TNRC6A: variants seen among roughly 807,000 people sequenced by gnomAD.
TNRC6A encodes the protein trinucleotide repeat containing adaptor 6A, also known as trinucleotide repeat-containing gene 6A protein.
A neutral mutation model predicts 221.2 loss-of-function variants in TNRC6A; 44 were observed. The observed-to-expected ratio is 0.20, with a 90% CI of 0.16 to 0.26. The LOEUF is 0.26. TNRC6A is among the 10% of genes least tolerant of loss of function. The pLI is 1.00. For missense variants in TNRC6A, 2,199 were observed against 2,404.4 expected (o/e 0.91, Z 1.79); for synonymous variants, 847 against 838.5 (o/e 1.01, Z -0.18).
At chr16:24,662,694 C>T (rs1183974167) in intron 2 of TNRC6A, 1 of 153,652 alleles carries the variant, frequency 6.5e-6, no homozygotes, top group Admixed American at 6.6e-5. Flanking sequence ...GGTGAAGGGA[C>T]CTTCATCTTA....
Position 24,789,612 on chromosome 16 carries a change from T to A in TNRC6A, c.970T>A (p.Cys324Ser). The part of the protein sequence containing the change: ...GFSHGAIIST[C>S]QVSVDAPESK... ...TTCCCATGGAGCCATAATAAGCACA[T>A]GTCAGGTCTCTGTGGATGCTCCTGA... is the stretch of plus-strand genomic sequence containing the variant. The change falls in exon 6 of 25, where the codon TGT becomes AGT. Residue 324 changes from cysteine to serine, a missense_variant. Physicochemically the swap from Cys to Ser is moderately radical, Grantham distance 112. Transcript: ENST00000395799. The A allele has an allele frequency of 6.2e-7, 1 of 1,614,122 alleles. No homozygotes were observed. The highest frequency in any genetic ancestry group is 8.5e-7 in the Non-Finnish European group (1 of 1,180,040).
Position 24,823,370 on chromosome 16 carries a change from T to G in TNRC6A, c.5514-62T>G. Reference sequence around the variant, plus strand: ...CAGAGACAAGTTGCACCCTCACTTGTGAGTGAATGAAGCCCTCCTGGTGTG... The same window carrying G: ...CAGAGACAAGTTGCACCCTCACTTGGGAGTGAATGAAGCCCTCCTGGTGTG... On this transcript the variant is annotated intron_variant, in intron 24 of 24. Transcript: ENST00000395799. The surrounding 1 kb of genome is among the most constrained non-coding windows in gnomAD (Gnocchi z 4.3). 5 of 1,536,450 alleles carry G rather than the reference T, an allele frequency of 3.3e-6. No homozygotes were observed. The highest frequency in any genetic ancestry group is 4.4e-6 in the Non-Finnish European group (5 of 1,140,876).
chr16:24,796,708 A>C (rs2058226567), intron 9 of TNRC6A, among the ~76,000 whole-genome samples: 1 of 150,910 alleles, frequency 6.6e-6, no homozygotes, highest in Non-Finnish European at 1.5e-5. Context: ...TCTGTTCCAC[A>C]GTCAGAAGGA....
intron 2 of TNRC6A, among the ~76,000 whole-genome samples, chr16:24,645,089 A>C (rs1902203255): frequency 6.6e-6 from 1 of 152,258 alleles, no homozygotes; most frequent in Non-Finnish European, 1.5e-5. Context: ...AAAGATACTT[A>C]AATATTTTCC....
intron 2 of TNRC6A, among the ~76,000 whole-genome samples, chr16:24,745,963 CA>C (rs2057001248): frequency 6.6e-6 from 1 of 152,092 alleles, no homozygotes; most frequent in South Asian, 2.1e-4. Context: ...TATTCTTACC[CA>C]ACATTTTCCC....
At chr16:24,656,508 T>C (rs1317214853) in intron 2 of TNRC6A, among the ~76,000 whole-genome samples, 2 of 149,440 alleles carry the variant, frequency 1.3e-5, no homozygotes, top group Non-Finnish European at 3.0e-5. Context: ...AAGAAGTACA[T>C]ATGCTTTTCA....
intron 8 of TNRC6A, among the ~76,000 whole-genome samples, chr16:24,795,122 C>A (rs532852667): frequency 1.3e-5 from 2 of 152,168 alleles, no homozygotes; most frequent in African/African-American, 2.4e-5. Context: ...CACCATCCTC[C>A]TTATTCACCT....
intron 1 of TNRC6A, among the ~76,000 whole-genome samples, chr16:24,637,568 G>A (rs1345744969): frequency 1.3e-5 from 2 of 152,160 alleles, no homozygotes; most frequent in East Asian, 3.9e-4. Context: ...AGGAGGAAGG[G>A]AAATGTTATT....
chr16:24,684,493 T>C (rs906202241), intron 2 of TNRC6A, among the ~76,000 whole-genome samples: 2 of 152,096 alleles, frequency 1.3e-5, no homozygotes, highest in Non-Finnish European at 2.9e-5. Flanking sequence ...GTATTCTTCT[T>C]TGGATTCTTT....
intron 2 of TNRC6A, chr16:24,662,003 G>A (rs1385484460): frequency 6.6e-6 from 1 of 152,054 alleles, no homozygotes; most frequent in East Asian, 1.9e-4. Flanking sequence ...CAGTGGTGCG[G>A]TGAGCTATGA....
At chr16:24,766,136 C>T (rs2057466565) in intron 4 of TNRC6A, among the ~76,000 whole-genome samples, 1 of 151,864 alleles carries the variant, frequency 6.6e-6, no homozygotes, top group Non-Finnish European at 1.5e-5. Flanking sequence ...TTGTTTTTGC[C>T]CTTATAATTA....
intron 1 of TNRC6A, among the ~76,000 whole-genome samples, chr16:24,622,498 G>A (rs1900727986): frequency 6.6e-6 from 1 of 152,138 alleles, no homozygotes; most frequent in Non-Finnish European, 1.5e-5. Context: ...GGAGGCTGAG[G>A]CAGAAGAATT....
intron 14 of TNRC6A, 181 bp downstream of exon 14, chr16:24,805,332 C>T (rs1417108096): frequency 2.0e-6 from 2 of 1,024,178 alleles, no homozygotes; most frequent in Middle Eastern, 2.5e-4. Flanking sequence ...TAATTTAAAT[C>T]CAAAATTTAC....
At chr16:24,801,880 G>A (rs2058339186) in intron 11 of TNRC6A, among the ~76,000 whole-genome samples, 2 of 152,204 alleles carry the variant, frequency 1.3e-5, no homozygotes, top group South Asian at 4.1e-4. Flanking sequence ...ATTGGTTACA[G>A]GATTAGATGA....
In TNRC6A at chr16:24,794,740, G is replaced by A. The variant is rs896293102; in HGVS notation, c.3528+21G>A. The A allele has an allele frequency of 3.2e-6, 5 of 1,579,808 alleles. No homozygotes were observed. The East Asian group carries it at 9.0e-5, about 28-fold the overall frequency. Reference sequence around the variant, plus strand: ...CGAAGGTAAACATTTCAAGGGCAAAGCCCTTGAAACTTTAAATTCCAAAGG... The same window carrying A: ...CGAAGGTAAACATTTCAAGGGCAAAACCCTTGAAACTTTAAATTCCAAAGG... On this transcript the variant is annotated intron_variant, in intron 8 of 24. Transcript: ENST00000395799.
At chr16:24,817,166 T>TTC (rs1307116757) in intron 20 of TNRC6A, among the ~76,000 whole-genome samples, 1 of 152,196 alleles carries the variant, frequency 6.6e-6, no homozygotes, top group Non-Finnish European at 1.5e-5. Context: ...GCAGACAGAA[T>TTC]TCTCTCTGTT....
chr16:24,637,139 C>T (rs1288279674), intron 1 of TNRC6A, among the ~76,000 whole-genome samples: 1 of 152,050 alleles, frequency 6.6e-6, no homozygotes, highest in Non-Finnish European at 1.5e-5. Flanking sequence ...CTCAGGTGAT[C>T]CTCCCGTCTC....
At chr16:24,788,648 C>CTT (rs10564095) in intron 5 of TNRC6A, among the ~76,000 whole-genome samples, 15 of 115,206 alleles carry the variant, frequency 1.3e-4, no homozygotes, top group South Asian at 2.7e-4. Flanking sequence ...CTCCAAAATT[C>CTT]TTTTTTTTTT....
In TNRC6A at chr16:24,789,583, G is replaced by T. The variant is rs773896406; in HGVS notation, c.941G>T (p.Gly314Val). The T allele has an allele frequency of 6.2e-7, 1 of 1,614,092 alleles. No homozygotes were observed. Among genetic ancestry groups the T allele is most frequent in the South Asian group, 1.1e-5 (1 of 91,076 alleles). Residue 314 changes from glycine to valine, a missense_variant, in exon 6 of 25, where the codon GGT becomes GTT. By Grantham distance (109) the Gly-to-Val change is moderately radical. Transcript: ENST00000395799. ...CATGGAAGTAGTACTGGGCCATGGGGTTTTTCCCATGGAGCCATAATAAGC... is the reference window on the plus strand; with the variant it reads ...CATGGAAGTAGTACTGGGCCATGGGTTTTTTCCCATGGAGCCATAATAAGC... ...VGHGSSTGPW[G>V]FSHGAIISTC...
Sources: allele counts gnomAD v4.1 joint callset (sites outside exome capture counted in the v4.1 genomes callset), GRCh38; gene constraint gnomAD v4.1.1; non-coding constraint Gnocchi (gnomAD v3.1); transcripts MANE v1.5; gene names NCBI Gene and HGNC (gene_info 2026-07-23, HGNC 2026-07-21).